The following SLC8A1 variants were observed in gnomAD, a reference collection of about 807,000 sequenced individuals.
SLC8A1 encodes the protein sodium/calcium exchanger 1.
Under a neutral mutation model 68.3 loss-of-function variants are expected in SLC8A1, and 18 were observed. That is an observed-to-expected ratio of 0.26 (90% CI 0.18 to 0.39). SLC8A1 has a LOEUF of 0.39. Among genes scored for constraint, SLC8A1 ranks in the 10% least tolerant of loss-of-function variants. The pLI, the probability that SLC8A1 is intolerant of heterozygous loss-of-function variation, is 1.00. For synonymous variants in SLC8A1, 475 were observed against 415.5 expected (o/e 1.14, Z -1.74); for missense variants, 985 against 1,156.7 (o/e 0.85, Z 2.15).
In SLC8A1 at chr2:40,267,479, T is replaced by C. The variant is rs118009126; in HGVS notation, c.1809-89624A>G. ...TAGTTGCCTCTAAGAATGACAGTCC[T>C]GGGAAAGATGCTAATTACTCAACAG... is the stretch of plus-strand genomic sequence containing the variant. On this transcript the variant is annotated intron_variant, in intron 2 of 7. Coordinates refer to ENST00000406785, the Ensembl canonical transcript of SLC8A1. Among the ~76,000 whole-genome samples, 158 of 152,332 alleles carry C rather than the reference T, an allele frequency of 1.0e-3. 1 individual carries two copies. The East Asian group carries it at 0.019, about 18-fold the overall frequency.
intron 2 of SLC8A1, among the ~76,000 whole-genome samples, chr2:40,241,319 G>A (rs1357975097): frequency 6.6e-6 from 1 of 151,976 alleles, no homozygotes; most frequent in African/African-American, 2.4e-5. Flanking sequence ...GGACATAAAC[G>A]TGGGTATAAT....
intron 2 of SLC8A1, among the ~76,000 whole-genome samples, chr2:40,266,412 A>C (rs2065356630): frequency 6.6e-6 from 1 of 152,124 alleles, no homozygotes; most frequent in South Asian, 2.1e-4. Flanking sequence ...GTAAATTTCC[A>C]TGTCCCTTGC....
At chr2:40,113,819 A>AT (rs1329523321) in exon 8 of SLC8A1, 1 of 152,738 alleles carries the variant, frequency 6.5e-6, no homozygotes, top group African/African-American at 2.4e-5. Context: ...GCCTTCCTGA[A>AT]TTAATGGGTG....
At chr2:40,204,184 A>T (rs2054936717) in intron 2 of SLC8A1, among the ~76,000 whole-genome samples, 1 of 152,054 alleles carries the variant, frequency 6.6e-6, no homozygotes, top group African/African-American at 2.4e-5. Context: ...TTCAGAAAAC[A>T]TCTTAAATTT....
At chr2:40,325,333 C>G (rs1279818346) in intron 2 of SLC8A1, among the ~76,000 whole-genome samples, 1 of 152,054 alleles carries the variant, frequency 6.6e-6, no homozygotes, top group African/African-American at 2.4e-5. Context: ...CTGCCAGGCC[C>G]CTGAAACCAG....
intron 2 of SLC8A1, among the ~76,000 whole-genome samples, chr2:40,254,259 A>AAGTAATTTCCTTAC (rs2063502175): frequency 6.6e-6 from 1 of 152,168 alleles, no homozygotes; most frequent in African/African-American, 2.4e-5. Flanking sequence ...TTGGGGTCTT[A>AAGTAATTTCCTTAC]AGTAATTTCC....
intron 1 of SLC8A1, among the ~76,000 whole-genome samples, chr2:40,487,040 A>G (rs1367683909): frequency 6.6e-6 from 1 of 151,922 alleles, no homozygotes; most frequent in East Asian, 1.9e-4. Flanking sequence ...GGGGCTTAAT[A>G]TGTTTTTATG....
At chr2:40,502,069 C>A (rs957882784) in intron 1 of SLC8A1, among the ~76,000 whole-genome samples, 5 of 152,082 alleles carry the variant, frequency 3.3e-5, no homozygotes, top group Non-Finnish European at 7.4e-5. Flanking sequence ...CAACAGGATT[C>A]TGATATGTTC....
At chr2:40,166,570 G>A (rs2046588302) in intron 4 of SLC8A1, among the ~76,000 whole-genome samples, 1 of 152,188 alleles carries the variant, frequency 6.6e-6, no homozygotes, top group Non-Finnish European at 1.5e-5. Flanking sequence ...CTATAAAAGT[G>A]GCAATATTTT....
chr2:40,428,747 C>T lies in SLC8A1; in HGVS notation c.1534G>A (p.Ala512Thr), dbSNP rs746331835. The stretch of plus-strand genomic sequence containing the variant: ...CAAGCAAGTGTAGAAACATGATTGG[C>T]TTCCAGTATGCCATCTTCTGAAGCT... The change falls in exon 2 of 8, where the codon GCC becomes ACC. Residue 512 changes from alanine to threonine, a missense_variant. Ala to Thr is a moderately conservative substitution (Grantham distance 58, BLOSUM62 0). This residue lies in a region of SLC8A1 where 584 missense variants were observed against 565.9 expected (regional missense o/e 1.03). Coordinates refer to ENST00000406785, the Ensembl canonical transcript of SLC8A1. 6.2e-7 allele frequency: 1 copy of T among 1,613,792 alleles called. No individual in the cohort carries two copies. Among genetic ancestry groups the T allele is most frequent in the Non-Finnish European group, 8.5e-7 (1 of 1,179,894 alleles).
chr2:40,482,434 G>C (rs1704688911), intron 1 of SLC8A1, among the ~76,000 whole-genome samples: 1 of 152,288 alleles, frequency 6.6e-6, no homozygotes, highest in Non-Finnish European at 1.5e-5. Context: ...ATATGGCCAT[G>C]TGAATGTACT....
At chr2:40,144,491 G>A (rs190881158) in intron 6 of SLC8A1, among the ~76,000 whole-genome samples, 128 of 152,154 alleles carry the variant, frequency 8.4e-4, no homozygotes, top group African/African-American at 2.9e-3. Context: ...GAAAGTAGAG[G>A]AGTTCAGTAT....
chr2:40,475,191 T>C (rs991858690), intron 1 of SLC8A1, among the ~76,000 whole-genome samples: 3 of 152,188 alleles, frequency 2.0e-5, no homozygotes, highest in African/African-American at 7.2e-5. Context: ...TGGAGTGCAG[T>C]AGCGTGATCT....
intron 1 of SLC8A1, among the ~76,000 whole-genome samples, chr2:40,480,081 T>A (rs1704535596): frequency 6.6e-6 from 1 of 152,200 alleles, no homozygotes; most frequent in Non-Finnish European, 1.5e-5. Context: ...GTTTATTGTT[T>A]TTTTTTAAAA....
intron 2 of SLC8A1, among the ~76,000 whole-genome samples, chr2:40,366,707 T>C (rs1676311393): frequency 6.6e-6 from 1 of 151,978 alleles, no homozygotes; most frequent in African/African-American, 2.4e-5. Flanking sequence ...GTACCTTCTT[T>C]ACTATCTCTG....
chr2:40,178,558 AAG>A, intron 2 of SLC8A1, 65 bp from the exon 3 acceptor site: 1 of 1,376,616 alleles, frequency 7.3e-7, no homozygotes, highest in East Asian at 2.3e-5. Flanking sequence ...GAACATAGAG[AAG>A]AGGAAAGCAA....
intron 6 of SLC8A1, among the ~76,000 whole-genome samples, chr2:40,160,266 G>T (rs1476760589): frequency 1.3e-5 from 2 of 152,192 alleles, no homozygotes; most frequent in Non-Finnish European, 2.9e-5. Flanking sequence ...TGTGCAAGAA[G>T]AAACAGAATG....
At chr2:40,389,514 T>C (rs1559490813) in intron 2 of SLC8A1, among the ~76,000 whole-genome samples, 1 of 152,036 alleles carries the variant, frequency 6.6e-6, no homozygotes, top group Non-Finnish European at 1.5e-5. Context: ...TGAGACAAAA[T>C]GTGGTTACAA....
At chr2:40,167,963 A>G (rs993895657) in intron 4 of SLC8A1, among the ~76,000 whole-genome samples, 13 of 152,158 alleles carry the variant, frequency 8.5e-5, no homozygotes, top group Admixed American at 6.5e-5. Flanking sequence ...ATTACAATAT[A>G]TGGAATATAG....
Sources: gnomAD v4.1 joint callset for allele counts (sites outside exome capture counted in the v4.1 genomes callset) on GRCh38, gnomAD v4.1.1 for gene constraint, gnomAD v4.1.1 regional missense constraint, MANE v1.5 for transcripts, NCBI Gene and HGNC (gene_info 2026-07-23, HGNC 2026-07-21) for gene names.